Variants in COL1A1 observed in about 807,000 individuals in gnomAD.
COL1A1 encodes collagen type I alpha 1 chain.
COL1A1 carries 21 observed loss-of-function variants against 195.7 expected under a neutral mutation model. That is an observed-to-expected ratio of 0.11 (90% CI 0.08 to 0.15). COL1A1 has a LOEUF of 0.15. Among genes scored for constraint, COL1A1 ranks in the 10% least tolerant of loss-of-function variants. COL1A1 has a pLI of 1.00. For synonymous variants in COL1A1, 749 were observed against 747.3 expected, an observed-to-expected ratio of 1.00 and a Z score of -0.04; for missense variants, 1,365 against 2,051.0, an observed-to-expected ratio of 0.67 and a Z score of 6.46.
At chr17:50,197,277 A>G in intron 9 of COL1A1, 44 bp from the exon 10 acceptor site, 1 of 1,594,746 alleles carries the variant, frequency 6.3e-7, no homozygotes, top group South Asian at 1.1e-5. Context: ...CCTCCCCACC[A>G]CCGCCTAGGG....
chr17:50,197,199 C>T lies in COL1A1; in HGVS notation c.731G>A (p.Arg244His), dbSNP rs745932436. 10 of 1,613,430 alleles carry T rather than the reference C, an allele frequency of 6.2e-6. No homozygotes were observed. The highest frequency in any genetic ancestry group is 2.7e-5 in the African/African-American group (2 of 74,884). The change falls in exon 10 of 51, where the codon CGT becomes CAT. Residue 244 changes from arginine to histidine, a missense_variant. This residue lies in a region of COL1A1 where 226 missense variants were observed against 372.9 expected (regional missense o/e 0.61). Coordinates refer to ENST00000225964, the MANE Select transcript of COL1A1 (RefSeq NM_000088.4). ...GCTCACCTGAGGCCCAGGAGGCCCA[C>T]GCTCACCAGGACGACCAGGTTTTCC... ...EAGKPGRPGE[R>H]GPPGPQGARG...
Position 50,195,198 on chromosome 17 carries a change from A to G in COL1A1, c.1299+34T>C, listed in dbSNP as rs1907470297. On this transcript the variant is annotated intron_variant, in intron 19 of 50. Coordinates refer to ENST00000225964, the MANE Select transcript of COL1A1 (RefSeq NM_000088.4). The surrounding 1 kb of genome is among the most constrained non-coding windows in gnomAD (Gnocchi z 4.3). ...ATGAGAGCCGCACTGGAGCCAGTGC[A>G]TGGGGTGGGCAGAAGGGAGAGTTTG... 1 of 1,606,646 alleles carries G rather than the reference A, an allele frequency of 6.2e-7. No homozygotes were observed. Among genetic ancestry groups the G allele is most frequent in the Non-Finnish European group, 8.5e-7 (1 of 1,173,630 alleles).
intron 31 of COL1A1, 82 bp downstream of exon 31, chr17:50,191,706 A>T: frequency 6.8e-7 from 1 of 1,469,284 alleles, no homozygotes; most frequent in South Asian, 1.2e-5. Flanking sequence ...GGCTTTGGTC[A>T]TGGCCCGCCA....
chr17:50,187,728 G>T, intron 45 of COL1A1, 148 bp downstream of exon 45: 1 of 930,678 alleles, frequency 1.1e-6, no homozygotes, highest in Non-Finnish European at 1.7e-6. Flanking sequence ...CCTCTCAGAA[G>T]CTACTTGGAC....
chr17:50,188,396 G>A lies in COL1A1; in HGVS notation c.3207+134C>T. On this transcript the variant is annotated intron_variant, in intron 43 of 50. Transcript: ENST00000225964. The surrounding 1 kb of genome is among the most constrained non-coding windows in gnomAD (Gnocchi z 5.6). ...GCTTTAACTCAGTTTTTTGGATTAA[G>A]GCCCTGACATCTTGCAGGATCTCCT... 1.0e-6 allele frequency: 1 copy of A among 990,868 alleles called. No homozygotes were observed. Among genetic ancestry groups the A allele is most frequent in the Non-Finnish European group, 1.6e-6 (1 of 639,340 alleles). 61.4% of individuals were successfully genotyped at this position (990,868 alleles called of 1,614,324 possible). A position where few individuals can be genotyped will look rare whatever the true frequency, so the allele number is the denominator to read the frequency against.
chr17:50,188,656 G>A lies in COL1A1; in HGVS notation c.3100-19C>T. The A allele has an allele frequency of 6.2e-7, 1 of 1,613,436 alleles. No homozygotes were observed. On this transcript the variant is annotated intron_variant, in intron 42 of 50. Coordinates refer to ENST00000225964, the MANE Select transcript of COL1A1 (RefSeq NM_000088.4). This position sits in a 1 kb window ranked among gnomAD's most constrained non-coding sequence, Gnocchi z 5.6. ...GGTCACCCTGGCGGGGAGAGCAGGG[G>A]AATATGGGTCAGCCCCGGGTGAAGG...
In COL1A1 at chr17:50,187,761, C is replaced by T. The variant is rs909472908; in HGVS notation, c.3369+115G>A. The T allele has an allele frequency of 5.4e-5, 59 of 1,096,048 alleles. No homozygotes were observed. In the African/African-American group the frequency reaches 7.8e-4, roughly 14 times the overall value. The allele number at this position is 1,096,048 out of a possible 1,614,324, so 67.9% of individuals were successfully genotyped here. A position where few individuals can be genotyped will look rare whatever the true frequency, so the allele number is the denominator to read the frequency against. Reference sequence around the variant, plus strand: ...GACATGCCCACAAATCTTCAGACCCCAGTCCCCACTAGGGAGGGGAAAGAA... The same window carrying T: ...GACATGCCCACAAATCTTCAGACCCTAGTCCCCACTAGGGAGGGGAAAGAA... On this transcript the variant is annotated intron_variant, in intron 45 of 50. Transcript: ENST00000225964.
Position 50,186,775 on chromosome 17 carries a change from G to A in COL1A1, c.3679C>T (p.Arg1227Cys). ...RADDANVVRD[R>C]DLEVDTTLKS... The stretch of plus-strand genomic sequence containing the variant: ...AGGGTGGTGTCCACCTCGAGGTCAC[G>A]GTCACGAACCACATTGGCATCATCA... The change falls in exon 48 of 51, where the codon CGT (arginine) becomes TGT (cysteine). Residue 1227 changes from arginine (R) to cysteine (C), a missense_variant. Coordinates refer to ENST00000225964, the MANE Select transcript of COL1A1 (RefSeq NM_000088.4). The surrounding 1 kb of genome is among the most constrained non-coding windows in gnomAD (Gnocchi z 5.3). 1.9e-6 allele frequency: 3 copies of A among 1,614,102 alleles called. No individual in the cohort carries two copies. Among genetic ancestry groups the A allele is most frequent in the Non-Finnish European group, 2.5e-6 (3 of 1,180,038 alleles).
rs975734208 is a variant in COL1A1 at position 50,190,003 on chromosome 17, T to G, written c.2557A>C (p.Ile853Leu). 8 of 1,610,300 alleles carry G rather than the reference T, an allele frequency of 5.0e-6. No individual in the cohort carries two copies. The African/African-American group carries it at 1.1e-4, about 22-fold the overall frequency. Residue 853 changes from isoleucine to leucine, a missense_variant and splice_region_variant, in exon 36 of 51, where the codon ATT (isoleucine) becomes CTT (leucine). Ile to Leu is a conservative substitution (Grantham distance 5, BLOSUM62 2). This residue lies in a region of COL1A1 where 671 missense variants were observed against 1,099.9 expected (regional missense o/e 0.61). Transcript: ENST00000225964. This position sits in a 1 kb window ranked among gnomAD's most constrained non-coding sequence, Gnocchi z 4.7. ...PAGPAGPPGP[I>L]GNVGAPGAKG... ...GCACAGAGGGCCAAGCCACTCACAATGGGGCCAGGGGGTCCAGCGGGTCCG... is the reference window on the plus strand; with the variant it reads ...GCACAGAGGGCCAAGCCACTCACAAGGGGGCCAGGGGGTCCAGCGGGTCCG...
chr17:50,188,549 C>G lies in COL1A1; in HGVS notation c.3188G>C (p.Ser1063Thr). Residue 1063 changes from serine (S) to threonine (T), a missense_variant, in exon 43 of 51, where the codon AGT becomes ACT. This residue lies in a region of COL1A1 where 671 missense variants were observed against 1,099.9 expected (regional missense o/e 0.61). Transcript: ENST00000225964. The surrounding 1 kb of genome is among the most constrained non-coding windows in gnomAD (Gnocchi z 5.6). ...ACTTACAGTCTCACCACGATCACCACTCTTGCCAGCAGGGCCAACGGGGCC... is the reference window on the plus strand; with the variant it reads ...ACTTACAGTCTCACCACGATCACCAGTCTTGCCAGCAGGGCCAACGGGGCC... ...APGPVGPAGK[S>T]GDRGETGPAG... The G allele has an allele frequency of 6.2e-7, 1 of 1,614,108 alleles. No individual in the cohort carries two copies. The highest frequency in any genetic ancestry group is 8.5e-7 in the Non-Finnish European group (1 of 1,180,002).
rs764381074 is a variant in COL1A1 at position 50,195,590 on chromosome 17, G to C, written c.1132C>G (p.Pro378Ala). Reference protein sequence around the residue: ...GVRGEPGPPGPAGAAGPAGNP... With the variant: ...GVRGEPGPPGAAGAAGPAGNP... The stretch of plus-strand genomic sequence containing the variant: ...ACAGCAGGGCCAGCAGCACCAGCAG[G>C]GCCAGGGGGGCCAGGCTCACCACGC... Residue 378 changes from proline to alanine, a missense_variant, in exon 17 of 51, where the codon CCT becomes GCT. Pro to Ala is a conservative substitution (Grantham distance 27). This residue lies in a region of COL1A1 where 226 missense variants were observed against 372.9 expected (regional missense o/e 0.61). Coordinates refer to ENST00000225964, the MANE Select transcript of COL1A1 (RefSeq NM_000088.4). This position sits in a 1 kb window ranked among gnomAD's most constrained non-coding sequence, Gnocchi z 4.3. 103 of 1,613,824 alleles carry C rather than the reference G, an allele frequency of 6.4e-5. 1 individual carries two copies. In the Admixed American group the frequency reaches 1.7e-3, roughly 27 times the overall value.
rs1028218548 is a variant in COL1A1 at position 50,185,315 on chromosome 17, G to A, written c.*187C>T. ...GCACTTTTGGTTTTTGGTCATGTTCGGTTGGTCAAAGATAAAAACTAAGTT... is the reference window on the plus strand; with the variant it reads ...GCACTTTTGGTTTTTGGTCATGTTCAGTTGGTCAAAGATAAAAACTAAGTT... On this transcript the variant is annotated 3_prime_UTR_variant, in exon 51 of 51. Coordinates refer to ENST00000225964, the MANE Select transcript of COL1A1 (RefSeq NM_000088.4). 3.0e-5 allele frequency: 13 copies of A among 434,264 alleles called. No homozygotes were observed. Among genetic ancestry groups the A allele is most frequent in the East Asian group, 4.4e-5 (1 of 22,622 alleles). The allele number at this position is 434,264 out of a possible 1,614,324, so 26.9% of individuals were successfully genotyped here. A position where few individuals can be genotyped will look rare whatever the true frequency, so the allele number is the denominator to read the frequency against.
In COL1A1 at chr17:50,191,628, C is replaced by T. The variant is rs1388615744; in HGVS notation, c.2128-138G>A. On this transcript the variant is annotated intron_variant, in intron 31 of 50. Coordinates refer to ENST00000225964, the MANE Select transcript of COL1A1 (RefSeq NM_000088.4). ...TGAGAAAAGATGAAAAGACTCACAGCCCAGACTCCAGGCTGTGTGTGGGCC... is the reference window on the plus strand; with the variant it reads ...TGAGAAAAGATGAAAAGACTCACAGTCCAGACTCCAGGCTGTGTGTGGGCC... The T allele has an allele frequency of 4.5e-6, 5 of 1,104,532 alleles. No individual in the cohort carries two copies. In the African/African-American group the frequency reaches 6.2e-5, roughly 14 times the overall value. The allele number at this position is 1,104,532 out of a possible 1,614,324, so 68.4% of individuals were successfully genotyped here. A position where few individuals can be genotyped will look rare whatever the true frequency, so the allele number is the denominator to read the frequency against.
In COL1A1 at chr17:50,198,417, C is replaced by T. The variant is rs780297962; in HGVS notation, c.543+16G>A. The T allele has an allele frequency of 6.2e-7, 1 of 1,612,032 alleles. No individual in the cohort carries two copies. Among genetic ancestry groups the T allele is most frequent in the Admixed American group, 1.7e-5 (1 of 59,766 alleles). ...CATTCTCTCTTCTGTCATCCATGCT[C>T]CCCCTGCTGGCTCACCATGGGGCCA... On this transcript the variant is annotated intron_variant, in intron 6 of 50. Coordinates refer to ENST00000225964, the MANE Select transcript of COL1A1 (RefSeq NM_000088.4).
rs115997082 is a variant in COL1A1 at position 50,199,458 on chromosome 17, G to T, written c.334-5C>A. 178 of 1,614,184 alleles carry T rather than the reference G, an allele frequency of 1.1e-4. 1 individual carries two copies. The African/African-American group carries it at 1.9e-3, about 17-fold the overall frequency. On this transcript the variant is annotated splice_region_variant and splice_polypyrimidine_tract_variant and intron_variant, in intron 3 of 50. Transcript: ENST00000225964. ...GCCAGTGTCTCCCTTGGGTCCCTGT[G>T]GGATTGGGGGAGAAGAAACAAGAGG...
intron 25 of COL1A1, 197 bp downstream of exon 25, chr17:50,193,746 G>T (rs1907309605): frequency 4.8e-6 from 3 of 623,750 alleles, no homozygotes; most frequent in Non-Finnish European, 8.8e-6. Flanking sequence ...CTCCCAAAGT[G>T]CTGGGATTAC....
rs1567753025 is a variant in COL1A1, at chr17:50,186,876, C to T, written c.3578G>A (p.Ser1193Asn). Residue 1193 changes from serine to asparagine, a missense_variant, in exon 48 of 51, where the codon AGC becomes AAC. Coordinates refer to ENST00000225964, the MANE Select transcript of COL1A1 (RefSeq NM_000088.4). This position sits in a 1 kb window ranked among gnomAD's most constrained non-coding sequence, Gnocchi z 5.3. ...CAGGAAGCTGAAGTCGAAACCAGCG[C>T]TGGGAGGACCAGGGGGACCAGGAGG... is the stretch of plus-strand genomic sequence containing the variant. ...PGPPGPPGPPSAGFDFSFLPQ... is the reference protein window; with the variant it reads ...PGPPGPPGPPNAGFDFSFLPQ... The T allele has an allele frequency of 6.2e-7, 1 of 1,613,998 alleles. No homozygotes were observed. Among genetic ancestry groups the T allele is most frequent in the Admixed American group, 1.7e-5 (1 of 60,024 alleles).
chr17:50,194,892 C>T lies in COL1A1; in HGVS notation c.1354-64G>A, dbSNP rs1907436513. 5 of 1,531,056 alleles carry T rather than the reference C, an allele frequency of 3.3e-6. No homozygotes were observed. In the South Asian group the frequency reaches 5.7e-5, roughly 17 times the overall value. 94.8% of individuals were successfully genotyped at this position (1,531,056 alleles called of 1,614,324 possible). A position where few individuals can be genotyped will look rare whatever the true frequency, so the allele number is the denominator to read the frequency against. ...GGGCCATCCTGTGCCAGCCTCAGAG[C>T]CGGCTGAGGCTGGGCCTCCAGTGTC... On this transcript the variant is annotated intron_variant, in intron 20 of 50. Transcript: ENST00000225964. This position sits in a 1 kb window ranked among gnomAD's most constrained non-coding sequence, Gnocchi z 6.8.
Position 50,186,140 on chromosome 17 carries a change from C to T in COL1A1, c.4006-120G>A. ...AATGCACCGTTATATCGAGAGGAGG[C>T]ACCACCTGCCCATCGGCAGCCTGTG... On this transcript the variant is annotated intron_variant, in intron 49 of 50. Transcript: ENST00000225964. The surrounding 1 kb of genome is among the most constrained non-coding windows in gnomAD (Gnocchi z 5.3). The T allele has an allele frequency of 6.5e-7, 1 of 1,533,748 alleles. No individual in the cohort carries two copies. The highest frequency in any genetic ancestry group is 8.8e-7 in the Non-Finnish European group (1 of 1,130,626).
Sources: allele counts gnomAD v4.1 joint callset, GRCh38; gene constraint gnomAD v4.1.1; regional missense constraint gnomAD v4.1.1; non-coding constraint Gnocchi (gnomAD v3.1); transcripts MANE v1.5; gene names NCBI Gene and HGNC (gene_info 2026-07-23, HGNC 2026-07-21).